The following THRA variants were observed in gnomAD, a reference collection of about 807,000 sequenced individuals.
The protein encoded by THRA is EAR-7.
In THRA, 13 loss-of-function variants were observed where a neutral mutation model predicts 45.0. The observed-to-expected ratio is 0.29, with a 90% CI of 0.19 to 0.46. The LOEUF is 0.46. Ranked by LOEUF, THRA falls within the 20% of genes least tolerant of loss-of-function variation. The pLI, the probability that THRA is intolerant of heterozygous loss-of-function variation, is 1.00. For missense variants in THRA, 278 were observed against 556.1 expected, an observed-to-expected ratio of 0.50 and a Z score of 5.03; for synonymous variants, 195 against 214.0, an observed-to-expected ratio of 0.91 and a Z score of 0.78.
intron 1 of THRA, among the ~76,000 whole-genome samples, chr17:40,063,410 C>T (rs956243167): frequency 9.2e-5 from 14 of 152,120 alleles, no homozygotes; most frequent in Non-Finnish European, 1.9e-4. Context: ...CCGGGCCGGG[C>T]CCCGTTGCCG....
intron 2 of THRA, 141 bp downstream of exon 2, chr17:40,074,682 G>A: frequency 2.4e-6 from 2 of 844,520 alleles, no homozygotes; most frequent in Non-Finnish European, 3.9e-6. Flanking sequence ...ACCTTTGTCT[G>A]GCAGATGAAG....
chr17:40,064,395 A>G (rs1986477388), intron 1 of THRA, among the ~76,000 whole-genome samples: 1 of 152,232 alleles, frequency 6.6e-6, no homozygotes, highest in African/African-American at 2.4e-5. Flanking sequence ...ACTCACAGGC[A>G]CACACGTGCT....
intron 4 of THRA, among the ~76,000 whole-genome samples, chr17:40,079,221 G>T (rs1270973815): frequency 6.6e-6 from 1 of 151,984 alleles, no homozygotes; most frequent in Non-Finnish European, 1.5e-5. Flanking sequence ...GGATGACAAG[G>T]TCATAGATTT....
intron 6 of THRA, 74 bp from the exon 7 acceptor site, chr17:40,086,633 C>A: frequency 6.4e-7 from 1 of 1,563,672 alleles, no homozygotes; most frequent in South Asian, 1.2e-5. Context: ...GGAGCTCCCC[C>A]TGGTGGGCAG....
At chr17:40,080,669 C>G (rs550171043) in intron 4 of THRA, among the ~76,000 whole-genome samples, 2 of 149,610 alleles carry the variant, frequency 1.3e-5, no homozygotes, top group Non-Finnish European at 3.0e-5. Flanking sequence ...TTTTGTAGTT[C>G]TGGAGTGAGG....
intron 2 of THRA, among the ~76,000 whole-genome samples, 165 bp from the exon 3 acceptor site, chr17:40,076,706 A>G (rs542336897): frequency 6.6e-6 from 1 of 152,208 alleles, no homozygotes; most frequent in African/African-American, 2.4e-5. Flanking sequence ...ACTTCCAGAT[A>G]ACTGGACCCT....
At chr17:40,063,594 G>C (rs1986444408) in intron 1 of THRA, among the ~76,000 whole-genome samples, 1 of 152,202 alleles carries the variant, frequency 6.6e-6, no homozygotes, top group Non-Finnish European at 1.5e-5. Flanking sequence ...CGGGTCCGGG[G>C]AGAGGGAAGT....
At position 40,083,936 on chromosome 17, in the gene THRA, G is replaced by C. The variant is rs1224862385; in HGVS notation, c.324G>C (p.Gln108His). The C allele has an allele frequency of 6.2e-7, 1 of 1,613,826 alleles. No homozygotes were observed. Among genetic ancestry groups the C allele is most frequent in the African/African-American group, 1.3e-5 (1 of 74,926 alleles). Residue 108 changes from glutamine to histidine, a missense_variant, in exon 5 of 9, where the codon CAG (glutamine) becomes CAC (histidine). Transcript: ENST00000450525. ...VIDKITRNQC[Q>H]LCRFKKCIAV... ...ACAAGATCACCCGCAATCAGTGCCA[G>C]CTGTGCCGCTTCAAGAAGTGCATCG...
chr17:40,087,645 G>C (rs1249502269), intron 7 of THRA, among the ~76,000 whole-genome samples: 6 of 152,206 alleles, frequency 3.9e-5, no homozygotes, highest in Admixed American at 3.9e-4. Context: ...TAGTGCTGGA[G>C]ACAGGCTGCC....
chr17:40,067,210 C>T (rs1986606490), intron 1 of THRA, among the ~76,000 whole-genome samples: 2 of 151,972 alleles, frequency 1.3e-5, no homozygotes, highest in Non-Finnish European at 2.9e-5. Flanking sequence ...GACCCTCGCC[C>T]TTCAGCTTAC....
At chr17:40,086,986 A>G (rs113368550) in intron 7 of THRA, 133 bp downstream of exon 7, 34 of 1,190,304 alleles carry the variant, frequency 2.9e-5, no homozygotes, top group African/African-American at 2.8e-4. Context: ...CACAGATAAC[A>G]TACACAGACA....
At chr17:40,078,442 C>G (rs1598393137) in intron 4 of THRA, among the ~76,000 whole-genome samples, 1 of 152,180 alleles carries the variant, frequency 6.6e-6, no homozygotes, top group African/African-American at 2.4e-5. Context: ...GGTGGCGCCA[C>G]TGCACTCCGG....
At position 40,084,635 on chromosome 17, in the gene THRA, G is replaced by A. The variant is rs757864135; in HGVS notation, c.396G>A (p.Val132=). 2 of 1,614,116 alleles carry A rather than the reference G, an allele frequency of 1.2e-6. No homozygotes were observed. Among genetic ancestry groups the A allele is most frequent in the African/African-American group, 1.3e-5 (1 of 75,042 alleles). The change falls in exon 6 of 9, where the codon GTG becomes GTA. Residue 132 remains valine, a synonymous_variant. Coordinates refer to ENST00000450525, the MANE Select transcript of THRA (RefSeq NM_199334.5). ...TGGTTCTAGATGACTCGAAGCGGGT[G>A]GCCAAGCGTAAGCTGATTGAGCAGA... ...MDLVLDDSKR[V]AKRKLIEQNR...
At chr17:40,081,355 A>G (rs1987131701) in intron 4 of THRA, among the ~76,000 whole-genome samples, 1 of 150,716 alleles carries the variant, frequency 6.6e-6, no homozygotes, top group Non-Finnish European at 1.5e-5. Flanking sequence ...GTCTCAAGCA[A>G]TCCTAAGCAA....
intron 1 of THRA, among the ~76,000 whole-genome samples, chr17:40,063,394 G>C (rs1986431338): frequency 6.6e-6 from 1 of 152,098 alleles, no homozygotes. Context: ...AGTCTGCTGC[G>C]CATTCCCGGG....
At chr17:40,077,364 C>T (rs1484214284) in intron 3 of THRA, 144 bp from the exon 4 acceptor site, 4 of 660,192 alleles carry the variant, frequency 6.1e-6, no homozygotes, top group South Asian at 3.7e-5. Context: ...AGGTTCACCT[C>T]GTGTCTCTCT....
rs1987607275 is a variant in THRA, at chr17:40,092,386, A to AG, written c.*2936dup. ...GAGAAGCTGGTGCTGGGCTGGGGGG[A>AG]GGGGGGTTGTGGCCAGAAACAGGGA... On this transcript the variant is annotated 3_prime_UTR_variant, in exon 9 of 9. Coordinates refer to ENST00000450525, the MANE Select transcript of THRA (RefSeq NM_199334.5). The AG allele has an allele frequency of 1.4e-5, 1 of 69,324 alleles. No individual in the cohort carries two copies. Among genetic ancestry groups the AG allele is most frequent in the South Asian group, 5.0e-4 (1 of 1,994 alleles). 4.3% of individuals were successfully genotyped at this position (69,324 alleles called of 1,614,324 possible). A position where few individuals can be genotyped will look rare whatever the true frequency, so the allele number is the denominator to read the frequency against.
chr17:40,082,756 T>A (rs1304711232), intron 4 of THRA, among the ~76,000 whole-genome samples: 1 of 136,392 alleles, frequency 7.3e-6, no homozygotes, highest in East Asian at 2.1e-4. Flanking sequence ...TAGAATCGCA[T>A]GCTTTTTTTT....
chr17:40,083,876 C>T lies in THRA; in HGVS notation c.264C>T (p.Thr88=). 6.2e-7 allele frequency: 1 copy of T among 1,613,878 alleles called. No individual in the cohort carries two copies. Among genetic ancestry groups the T allele is most frequent in the Non-Finnish European group, 8.5e-7 (1 of 1,179,862 alleles). The change falls in exon 5 of 9, where the codon ACC becomes ACT. Residue 88 remains threonine, a synonymous_variant. Coordinates refer to ENST00000450525, the MANE Select transcript of THRA (RefSeq NM_199334.5). The stretch of plus-strand genomic sequence containing the variant: ...CAATCCAGAAGAACCTCCATCCCAC[C>T]TATTCCTGCAAATATGACAGCTGCT... The part of the protein sequence containing the change: ...RRTIQKNLHP[T]YSCKYDSCCV...
Sources: allele counts gnomAD v4.1 joint callset (sites outside exome capture counted in the v4.1 genomes callset), GRCh38; gene constraint gnomAD v4.1.1; transcripts MANE v1.5; gene names NCBI Gene and HGNC (gene_info 2026-07-23, HGNC 2026-07-21).